LCLAT1: variants seen among roughly 807,000 people sequenced by gnomAD.
LCLAT1 encodes lysocardiolipin acyltransferase 1.
LCLAT1 carries 11 observed loss-of-function variants against 30.7 expected under a neutral mutation model. The ratio of observed to expected loss-of-function variants is 0.36; its 90% CI spans 0.23 to 0.59. The LOEUF (loss-of-function observed/expected upper bound fraction) is 0.59, where lower values mean the gene tolerates loss of function less well. Ranked by LOEUF, LCLAT1 falls within the 20% of genes least tolerant of loss-of-function variation. The pLI, the probability that LCLAT1 is intolerant of heterozygous loss-of-function variation, is 0.77. For synonymous variants in LCLAT1, 155 were observed against 151.3 expected (o/e 1.02, Z -0.18); for missense variants, 402 against 458.6 (o/e 0.88, Z 1.13).
intron 1 of LCLAT1, among the ~76,000 whole-genome samples, chr2:30,522,748 C>T (rs1379141331): frequency 6.6e-6 from 1 of 152,180 alleles, no homozygotes. Flanking sequence ...ATTCATGTGA[C>T]ACACACCTTT....
At chr2:30,586,424 C>T (rs1666445236) in intron 5 of LCLAT1, among the ~76,000 whole-genome samples, 1 of 152,138 alleles carries the variant, frequency 6.6e-6, no homozygotes, top group Non-Finnish European at 1.5e-5. Flanking sequence ...CAGCATGACT[C>T]CAGTCTTTAT....
chr2:30,451,308 C>G (rs1046078777), intron 1 of LCLAT1, among the ~76,000 whole-genome samples: 2 of 152,174 alleles, frequency 1.3e-5, no homozygotes, highest in African/African-American at 4.8e-5. Context: ...GGATCTCTTA[C>G]ATATTGTTGG....
chr2:30,573,170 C>T (rs1184494313), intron 5 of LCLAT1, among the ~76,000 whole-genome samples: 1 of 152,146 alleles, frequency 6.6e-6, no homozygotes, highest in East Asian at 1.9e-4. Context: ...TGGCCCGCCC[C>T]CCTCTGCTTT....
Position 30,495,931 on chromosome 2 carries a change from C to T in LCLAT1, c.-4-29656C>T, listed in dbSNP as rs112210236. ...TGGGGTCTGTATTAGTCTGTTCTTG[C>T]GTTGCTATAAAAAACTATCTGAGAC... On this transcript the variant is annotated intron_variant, in intron 1 of 5. Coordinates refer to ENST00000379509, the MANE Select transcript of LCLAT1 (RefSeq NM_001002257.3). Among the ~76,000 whole-genome samples, 1,371 of 152,128 alleles carry T rather than the reference C, an allele frequency of 9.0e-3. 18 individuals carry two copies. Among genetic ancestry groups the T allele is most frequent in the African/African-American group, 0.031 (1,274 of 41,478 alleles).
intron 1 of LCLAT1, among the ~76,000 whole-genome samples, chr2:30,519,256 A>G (rs895118622): frequency 6.6e-6 from 1 of 152,154 alleles, no homozygotes; most frequent in East Asian, 1.9e-4. Context: ...TCCAGAATTG[A>G]TGCTGTAAAA....
intron 5 of LCLAT1, among the ~76,000 whole-genome samples, chr2:30,632,597 C>T (rs1046571248): frequency 2.0e-5 from 3 of 152,226 alleles, no homozygotes; most frequent in African/African-American, 7.2e-5. Flanking sequence ...TCTAAATTCA[C>T]ATCAAGTGGT....
At chr2:30,535,306 T>C (rs1015276444) in intron 3 of LCLAT1, among the ~76,000 whole-genome samples, 2 of 152,200 alleles carry the variant, frequency 1.3e-5, no homozygotes, top group Admixed American at 6.5e-5. Flanking sequence ...CCTTCTGCCC[T>C]CCTGTCTTTA....
At chr2:30,455,972 G>C (rs829579) in intron 1 of LCLAT1, among the ~76,000 whole-genome samples, 33,148 of 148,442 alleles carry the variant, frequency 0.22, 3,745 homozygotes, top group East Asian at 0.35. Context: ...TTTTCTGGAA[G>C]AGATTGTGTG....
At chr2:30,475,497 A>G (rs1351503537) in intron 1 of LCLAT1, among the ~76,000 whole-genome samples, 1 of 152,202 alleles carries the variant, frequency 6.6e-6, no homozygotes, top group African/African-American at 2.4e-5. Context: ...TCCCAGCTCT[A>G]TGATAATCTG....
intron 5 of LCLAT1, among the ~76,000 whole-genome samples, chr2:30,614,821 T>C (rs1000943946): frequency 6.6e-6 from 1 of 152,054 alleles, no homozygotes; most frequent in Non-Finnish European, 1.5e-5. Context: ...TAGTTAATAG[T>C]AGGCAGTACA....
chr2:30,639,194 G>A (rs1394139180), intron 5 of LCLAT1, among the ~76,000 whole-genome samples: 1 of 152,136 alleles, frequency 6.6e-6, no homozygotes, highest in Admixed American at 6.5e-5. Context: ...GTGCTTTTCT[G>A]CCAGAACATT....
intron 1 of LCLAT1, among the ~76,000 whole-genome samples, chr2:30,453,071 A>T (rs1322840116): frequency 3.9e-5 from 6 of 152,150 alleles, no homozygotes; most frequent in African/African-American, 1.4e-4. Flanking sequence ...AGGGACAAAG[A>T]TAAAGGGAAG....
chr2:30,575,511 A>G (rs1166101501), intron 5 of LCLAT1, among the ~76,000 whole-genome samples: 1 of 152,124 alleles, frequency 6.6e-6, no homozygotes, highest in Non-Finnish European at 1.5e-5. Context: ...ATTTTAATTT[A>G]TATGGAGTCC....
At chr2:30,541,927 G>A (rs758370284) in intron 3 of LCLAT1, among the ~76,000 whole-genome samples, 1 of 152,112 alleles carries the variant, frequency 6.6e-6, no homozygotes, top group Non-Finnish European at 1.5e-5. Context: ...TGGCTTTGTT[G>A]TGGCAACTTA....
intron 5 of LCLAT1, among the ~76,000 whole-genome samples, chr2:30,621,610 CTG>C (rs1256362181): frequency 6.6e-6 from 1 of 152,134 alleles, no homozygotes; most frequent in African/African-American, 2.4e-5. Flanking sequence ...AGCCAAAAAA[CTG>C]TGAGCGACCA....
At position 30,533,261 on chromosome 2, in the gene LCLAT1, T is replaced by C; in HGVS notation, c.311T>C (p.Leu104Pro). 1 of 1,614,132 alleles carries C rather than the reference T, an allele frequency of 6.2e-7. No individual in the cohort carries two copies. The highest frequency in any genetic ancestry group is 8.5e-7 in the Non-Finnish European group (1 of 1,179,978). Residue 104 changes from leucine (L) to proline (P), a missense_variant, in exon 3 of 6, where the codon CTC becomes CCC. By Grantham distance (98) the Leu-to-Pro change is moderately conservative. Transcript: ENST00000379509. ...LWNCLMRYSY[L>P]RLEKICLKAS... ...AATTGCCTGATGCGATATAGCTACC[T>C]CAGATTGGAGAAAATTTGCCTCAAA... is the stretch of plus-strand genomic sequence containing the variant.
intron 5 of LCLAT1, among the ~76,000 whole-genome samples, chr2:30,602,101 A>G (rs1667220248): frequency 6.6e-6 from 1 of 152,110 alleles, no homozygotes; most frequent in African/African-American, 2.4e-5. Context: ...ATAGGATTTC[A>G]GGTGGCAGGC....
intron 5 of LCLAT1, among the ~76,000 whole-genome samples, chr2:30,621,594 T>A (rs1024227369): frequency 2.0e-5 from 3 of 152,054 alleles, no homozygotes; most frequent in Admixed American, 1.3e-4. Context: ...GCAGGCTCCG[T>A]GAGACAGCCA....
At chr2:30,633,645 A>T (rs1303324122) in intron 5 of LCLAT1, among the ~76,000 whole-genome samples, 1 of 152,232 alleles carries the variant, frequency 6.6e-6, no homozygotes, top group South Asian at 2.1e-4. Context: ...AGGTCACGCC[A>T]CTGCACTCCA....
Sources: gnomAD v4.1 joint callset for allele counts (sites outside exome capture counted in the v4.1 genomes callset) on GRCh38, gnomAD v4.1.1 for gene constraint, MANE v1.5 for transcripts, NCBI Gene and HGNC (gene_info 2026-07-23, HGNC 2026-07-21) for gene names.